Variants in ZNF557 observed in about 807,000 individuals in gnomAD.
ZNF557 encodes the protein CTB-25J19.9.
In ZNF557, 19 loss-of-function variants were observed where a neutral mutation model predicts 21.2. The observed-to-expected ratio is 0.90, with a 90% confidence interval of 0.63 to 1.32. The LOEUF (loss-of-function observed/expected upper bound fraction) is 1.32, where lower values mean the gene tolerates loss of function less well. ZNF557 is among the 40% of genes most tolerant of loss of function. The probability of loss-of-function intolerance (pLI) is 0.00; values close to 1 mark genes in which losing one functional copy is unlikely to be tolerated. For missense variants in ZNF557, 487 were observed against 519.8 expected (o/e 0.94, Z 0.61); for synonymous variants, 207 against 194.8 (o/e 1.06, Z -0.52).
chr19:7,083,031 T>TA lies in ZNF557; in HGVS notation c.581dup (p.Tyr194Ter), dbSNP rs1201333080. 8.1e-6 allele frequency: 13 copies of TA among 1,614,052 alleles called. No homozygotes were observed. The highest frequency in any genetic ancestry group is 1.0e-5 in the Non-Finnish European group (12 of 1,180,036). Residue 194 changes from tyrosine to a stop codon, truncating the protein, a stop_gained and frameshift_variant, in exon 8 of 8, where the codon TAC becomes TAAC. Transcript: ENST00000252840. LOFTEE classifies it low-confidence loss of function (END_TRUNC). ...TGGGAAATCCTACAGCAGTAGATCT[T>TA]ACCTTGCTGTTCATAAGAGAATCCA... is the stretch of plus-strand genomic sequence containing the variant. ...ECGKSYSSRSYLAVHKRIHNG... is the reference protein window; with the variant it reads ...ECGKSYSSRS
intron 5 of ZNF557, among the ~76,000 whole-genome samples, chr19:7,079,431 C>CG (rs1977652987): frequency 9.5e-6 from 1 of 105,002 alleles, no homozygotes; most frequent in Non-Finnish European, 2.7e-5. Flanking sequence ...TTAGTAGAGA[C>CG]AGGGTTCACC....
Position 7,084,677 on chromosome 19 carries a change from A to G in ZNF557, c.*933A>G, listed in dbSNP as rs1977796658. 6.6e-6 allele frequency: 1 copy of G among 152,098 alleles called. No homozygotes were observed. 9.4% of individuals were successfully genotyped at this position (152,098 alleles called of 1,614,324 possible). ...CAACTTCTAAACTGATCAATATGGGAGTAGCATTCAATCACCCACAGGTTA... is the reference window on the plus strand; with the variant it reads ...CAACTTCTAAACTGATCAATATGGGGGTAGCATTCAATCACCCACAGGTTA... On this transcript the variant is annotated 3_prime_UTR_variant, in exon 8 of 8. Transcript: ENST00000252840.
chr19:7,081,647 ATACTT>A (rs1197744404), intron 6 of ZNF557, among the ~76,000 whole-genome samples, 192 bp downstream of exon 6: 5 of 152,160 alleles, frequency 3.3e-5, no homozygotes, highest in South Asian at 4.1e-4. Flanking sequence ...CTGTCATCTC[ATACTT>A]TACTTGGGCC....
rs753712228 is a variant in ZNF557, at chr19:7,082,958, G to A, written c.507G>A (p.Arg169=). ...TCAGCACAAAATCTTCCCTTACACGGCACAGGAAGATTCATACTGGAGAAA... is the reference window on the plus strand; with the variant it reads ...TCAGCACAAAATCTTCCCTTACACGACACAGGAAGATTCATACTGGAGAAA... The part of the protein sequence containing the change: ...KVFSTKSSLT[R]HRKIHTGERP... The change falls in exon 8 of 8, where the codon CGG becomes CGA. Residue 169 remains arginine (R), a synonymous_variant. Coordinates refer to ENST00000252840, the MANE Select transcript of ZNF557 (RefSeq NM_024341.3). The A allele has an allele frequency of 3.7e-6, 6 of 1,613,900 alleles. No individual in the cohort carries two copies. Among genetic ancestry groups the A allele is most frequent in the African/African-American group, 1.3e-5 (1 of 74,930 alleles).
At position 7,085,636 on chromosome 19, in the gene ZNF557, A is replaced by G. The variant is rs371084874; in HGVS notation, c.*1892A>G. The stretch of plus-strand genomic sequence containing the variant: ...AATTCATTTAGAGGAAGCCCTAGGA[A>G]CGTAATCAATGTTAGGATGCCTCAT... On this transcript the variant is annotated 3_prime_UTR_variant, in exon 8 of 8. Coordinates refer to ENST00000252840, the MANE Select transcript of ZNF557 (RefSeq NM_024341.3). 6.6e-6 allele frequency: 1 copy of G among 152,282 alleles called. No individual in the cohort carries two copies. The highest frequency in any genetic ancestry group is 2.1e-4 in the South Asian group (1 of 4,828). The allele number at this position is 152,282 out of a possible 1,614,324, so 9.4% of individuals were successfully genotyped here.
intron 6 of ZNF557, 92 bp from the exon 7 acceptor site, chr19:7,081,878 G>T: frequency 6.5e-6 from 6 of 929,614 alleles, no homozygotes; most frequent in Non-Finnish European, 8.6e-6. Flanking sequence ...CTCAGATTCT[G>T]CCTTCACTCA....
At chr19:7,071,124 G>A (rs548843905) in intron 2 of ZNF557, among the ~76,000 whole-genome samples, 1 of 152,230 alleles carries the variant, frequency 6.6e-6, no homozygotes, top group East Asian at 1.9e-4. Flanking sequence ...AGGGGTGTGT[G>A]ATAATGTGTG....
At chr19:7,081,105 T>C (rs1977688328) in intron 5 of ZNF557, among the ~76,000 whole-genome samples, 1 of 151,532 alleles carries the variant, frequency 6.6e-6, no homozygotes, top group Non-Finnish European at 1.5e-5. Flanking sequence ...GGACAGGGGC[T>C]CCTGGGACCA....
At chr19:7,070,428 C>T (rs1977434650) in intron 1 of ZNF557, 134 bp from the exon 2 acceptor site, 1 of 152,146 alleles carries the variant, frequency 6.6e-6, no homozygotes, top group Non-Finnish European at 1.5e-5. Context: ...TTCTTTAAAT[C>T]AATTTTTTTT....
In ZNF557 at chr19:7,075,113, A is replaced by T. The variant is rs1977557867; in HGVS notation, c.31+8A>T. The stretch of plus-strand genomic sequence containing the variant: ...TCCTGCCCCCAACTGCCGGTGAGTC[A>T]TGGGGTCCTGGCAGTTCTCAGAGTC... On this transcript the variant is annotated splice_region_variant and intron_variant, in intron 3 of 7. Transcript: ENST00000252840. The T allele has an allele frequency of 6.2e-7, 1 of 1,613,876 alleles. No homozygotes were observed. Among genetic ancestry groups the T allele is most frequent in the Admixed American group, 1.7e-5 (1 of 60,000 alleles).
At chr19:7,078,595 C>T (rs572581366) in intron 5 of ZNF557, among the ~76,000 whole-genome samples, 1 of 152,108 alleles carries the variant, frequency 6.6e-6, no homozygotes, top group South Asian at 2.1e-4. Context: ...CCACAGCTAG[C>T]TAATTTTTGT....
intron 2 of ZNF557, among the ~76,000 whole-genome samples, chr19:7,071,075 T>C (rs901796399): frequency 1.3e-5 from 2 of 152,120 alleles, no homozygotes; most frequent in African/African-American, 4.8e-5. Context: ...ATCTTAAAAA[T>C]TATTTGTTTG....
In ZNF557 at chr19:7,083,554, G is replaced by T. The variant is rs1977767409; in HGVS notation, c.1103G>T (p.Arg368Ile). Residue 368 changes from arginine (R) to isoleucine (I), a missense_variant, in exon 8 of 8, where the codon AGA (arginine) becomes ATA (isoleucine). Physicochemically the swap from Arg to Ile is moderately conservative, Grantham distance 97. Transcript: ENST00000252840. ...AGCTTTTCTCTTACAATTCACAGGAGAATACATAATGGAGAGAAATCCTAT... is the reference window on the plus strand; with the variant it reads ...AGCTTTTCTCTTACAATTCACAGGATAATACATAATGGAGAGAAATCCTAT... Reference protein sequence around the residue: ...TNSFSLTIHRRIHNGEKSYEC... With the variant: ...TNSFSLTIHRIIHNGEKSYEC... 2 of 1,614,152 alleles carry T rather than the reference G, an allele frequency of 1.2e-6. No individual in the cohort carries two copies. The highest frequency in any genetic ancestry group is 1.3e-5 in the African/African-American group (1 of 75,038).
Position 7,083,816 on chromosome 19 carries a change from TG to T in ZNF557, c.*73del. ...ATAACATGAGCAAACTCTAACAAGA[TG>T]TATGAATCACCTGCTACTGTGTAAC... is the stretch of plus-strand genomic sequence containing the variant. On this transcript the variant is annotated 3_prime_UTR_variant, in exon 8 of 8. Transcript: ENST00000252840. 1 of 1,510,096 alleles carries T rather than the reference TG, an allele frequency of 6.6e-7. No individual in the cohort carries two copies. The highest frequency in any genetic ancestry group is 8.9e-7 in the Non-Finnish European group (1 of 1,124,666). 93.5% of individuals were successfully genotyped at this position (1,510,096 alleles called of 1,614,324 possible).
At chr19:7,077,958 A>G (rs1031633045) in intron 5 of ZNF557, among the ~76,000 whole-genome samples, 2 of 152,060 alleles carry the variant, frequency 1.3e-5, no homozygotes, top group African/African-American at 2.4e-5. Context: ...TTTTTTGAAG[A>G]AATGTTCATT....
chr19:7,083,297 CAA>C lies in ZNF557; in HGVS notation c.847_848del (p.Lys283GlufsTer12), dbSNP rs774147234. On this transcript the variant is annotated frameshift_variant, in exon 8 of 8. Transcript: ENST00000252840. LOFTEE classifies it low-confidence loss of function (END_TRUNC). ...FRTQSIFTRH[K>X]RVHTGEGHYV... The stretch of plus-strand genomic sequence containing the variant: ...GCACTCAGTCAATCTTCACAAGGCA[CAA>C]GAGAGTTCATACGGGGGAGGGTCAT... 2 of 1,614,176 alleles carry C rather than the reference CAA, an allele frequency of 1.2e-6. No homozygotes were observed. The highest frequency in any genetic ancestry group is 1.7e-5 in the Admixed American group (1 of 60,020).
chr19:7,085,044 TA>T lies in ZNF557; in HGVS notation c.*1301del, dbSNP rs1977804561. ...CACAAGACAGTATAGTTTGGTATGC[TA>T]TAAAAGCCTTGAATATTCTCTCCAT... On this transcript the variant is annotated 3_prime_UTR_variant, in exon 8 of 8. Transcript: ENST00000252840. 1 of 152,240 alleles carries T rather than the reference TA, an allele frequency of 6.6e-6. No homozygotes were observed. The highest frequency in any genetic ancestry group is 1.5e-5 in the Non-Finnish European group (1 of 68,048). 9.4% of individuals were successfully genotyped at this position (152,240 alleles called of 1,614,324 possible).
chr19:7,081,449 TG>T lies in ZNF557; in HGVS notation c.338del (p.Cys113PhefsTer13). ...AGAGAGAGGAATTCTCTCAGGTACC[TG>T]TCCAGGTGAGCACCAGGTGGATATA... Reference protein sequence around the residue: ...TEERGILSGTCPDVENPFKAK... With the variant: ...TEERGILSGTXPDVENPFKAK... On this transcript the variant is annotated frameshift_variant, in exon 6 of 8. Transcript: ENST00000252840. LOFTEE classifies it high-confidence loss of function. The T allele has an allele frequency of 6.3e-7, 1 of 1,594,050 alleles. No homozygotes were observed. The highest frequency in any genetic ancestry group is 8.6e-7 in the Non-Finnish European group (1 of 1,162,456).
intron 7 of ZNF557, 32 bp from the exon 8 acceptor site, chr19:7,082,846 A>T: frequency 6.6e-7 from 1 of 1,521,046 alleles, no homozygotes; most frequent in Non-Finnish European, 8.8e-7. Flanking sequence ...AAATATTATA[A>T]ATGGTACTTA....
Sources: allele counts gnomAD v4.1 joint callset (sites outside exome capture counted in the v4.1 genomes callset), GRCh38; gene constraint gnomAD v4.1.1; transcripts MANE v1.5; gene names NCBI Gene and HGNC (gene_info 2026-07-23, HGNC 2026-07-21).